TRAPPC3: variants seen among roughly 807,000 people sequenced by gnomAD.
TRAPPC3 encodes the protein trafficking protein particle complex 3.
TRAPPC3 carries 5 observed loss-of-function variants against 18.2 expected under a neutral mutation model. That is an observed-to-expected ratio of 0.28 (90% CI 0.14 to 0.58). The LOEUF (loss-of-function observed/expected upper bound fraction) is 0.58, where lower values mean the gene tolerates loss of function less well. TRAPPC3 is among the 20% of genes least tolerant of loss of function. The probability of loss-of-function intolerance (pLI) is 0.91; values close to 1 mark genes in which losing one functional copy is unlikely to be tolerated. For synonymous variants in TRAPPC3, 65 were observed against 84.2 expected (o/e 0.77, Z 1.25); for missense variants, 176 against 225.9 (o/e 0.78, Z 1.41).
At chr1:36,142,606 G>A (rs1282799100) in intron 1 of TRAPPC3, among the ~76,000 whole-genome samples, 1 of 152,140 alleles carries the variant, frequency 6.6e-6, no homozygotes, top group Non-Finnish European at 1.5e-5. Context: ...TCTCGGAATG[G>A]GATCCCTGAG....
At chr1:36,147,549 C>T (rs570688100) in intron 1 of TRAPPC3, among the ~76,000 whole-genome samples, 12 of 151,552 alleles carry the variant, frequency 7.9e-5, no homozygotes, top group Admixed American at 2.0e-4. Context: ...GAGGCTGAGG[C>T]GGGAGGACTG....
At position 36,137,077 on chromosome 1, in the gene TRAPPC3, A is replaced by G; in HGVS notation, c.*126T>C. ...TGCTCTTTATTTGAATGGAGAATGG[A>G]AACAGGTTATAAGAATATATAACAT... is the stretch of plus-strand genomic sequence containing the variant. On this transcript the variant is annotated 3_prime_UTR_variant, in exon 5 of 5. Coordinates refer to ENST00000373166, the MANE Select transcript of TRAPPC3 (RefSeq NM_014408.5). The G allele has an allele frequency of 1.7e-6, 2 of 1,164,914 alleles. No individual in the cohort carries two copies. The highest frequency in any genetic ancestry group is 2.4e-6 in the Non-Finnish European group (2 of 827,282). 72.2% of individuals were successfully genotyped at this position (1,164,914 alleles called of 1,614,324 possible).
At chr1:36,139,199 C>G (rs1644070304) in intron 3 of TRAPPC3, among the ~76,000 whole-genome samples, 1 of 134,994 alleles carries the variant, frequency 7.4e-6, no homozygotes, top group Admixed American at 8.2e-5. Context: ...TGCTCTGTTA[C>G]CCAGGATGGA....
Position 36,137,994 on chromosome 1 carries a change from C to T in TRAPPC3, c.241-16G>A. On this transcript the variant is annotated splice_polypyrimidine_tract_variant and intron_variant, in intron 3 of 4. Coordinates refer to ENST00000373166, the MANE Select transcript of TRAPPC3 (RefSeq NM_014408.5). ...TGAACGCCACCTGTCAGGGGACACACAACAGCACTTTGGGGAAGAGCAGCA... is the reference window on the plus strand; with the variant it reads ...TGAACGCCACCTGTCAGGGGACACATAACAGCACTTTGGGGAAGAGCAGCA... 1.2e-6 allele frequency: 2 copies of T among 1,612,512 alleles called. No homozygotes were observed. The highest frequency in any genetic ancestry group is 8.5e-7 in the Non-Finnish European group (1 of 1,178,928).
intron 1 of TRAPPC3, among the ~76,000 whole-genome samples, chr1:36,142,826 T>A (rs111655686): frequency 0.046 from 7,071 of 152,162 alleles, 237 homozygotes; most frequent in Middle Eastern, 0.092. Context: ...GCCCAGGAAT[T>A]TGAGACCAGC....
At chr1:36,149,111 G>T in intron 1 of TRAPPC3, 15 of 1,428,696 alleles carry the variant, frequency 1.0e-5, no homozygotes, top group East Asian at 2.6e-5. Flanking sequence ...TGTTGGCTTA[G>T]CACAGAGCTG....
upstream of TRAPPC3, among the ~76,000 whole-genome samples, chr1:36,152,630 TC>T (rs1315664634): frequency 6.6e-6 from 1 of 151,664 alleles, no homozygotes; most frequent in African/African-American, 2.4e-5. Flanking sequence ...TTTAGTATAC[TC>T]TTTTTTTAAA....
At chr1:36,141,219 G>C (rs1297874430) in intron 1 of TRAPPC3, among the ~76,000 whole-genome samples, 1 of 152,162 alleles carries the variant, frequency 6.6e-6, no homozygotes. Context: ...TGAAATGAGT[G>C]ACAAATACCA....
At chr1:36,142,153 C>T (rs954778253) in intron 1 of TRAPPC3, among the ~76,000 whole-genome samples, 3 of 151,472 alleles carry the variant, frequency 2.0e-5, no homozygotes, top group Admixed American at 6.6e-5. Flanking sequence ...ACCCAAAAAA[C>T]TTAGCTGCAC....
intron 1 of TRAPPC3, among the ~76,000 whole-genome samples, chr1:36,144,324 TAAAG>T (rs1440502206): frequency 8.3e-6 from 1 of 121,102 alleles, no homozygotes; most frequent in East Asian, 2.5e-4. Context: ...GGGCAAGTCA[TAAAG>T]AAAGAAGATT....
At chr1:36,142,841 G>A (rs1247208650) in intron 1 of TRAPPC3, among the ~76,000 whole-genome samples, 3 of 151,904 alleles carry the variant, frequency 2.0e-5, no homozygotes, top group Non-Finnish European at 2.9e-5. Flanking sequence ...ACCAGCCTGG[G>A]CAAACACTGA....
Position 36,149,453 on chromosome 1 carries a change from C to T in TRAPPC3, c.-75G>A. ...CCCCTGCAGACGCCGGAGCCTAAGC[C>T]GCTGCCCCTCAGCCCACAAGACCGA... is the stretch of plus-strand genomic sequence containing the variant. On this transcript the variant is annotated 5_prime_UTR_variant, in exon 1 of 5. Coordinates refer to ENST00000373166, the MANE Select transcript of TRAPPC3 (RefSeq NM_014408.5). 1.3e-6 allele frequency: 2 copies of T among 1,572,796 alleles called. No individual in the cohort carries two copies. Among genetic ancestry groups the T allele is most frequent in the South Asian group, 1.1e-5 (1 of 88,222 alleles).
chr1:36,138,193 G>A (rs755655869), intron 3 of TRAPPC3: 152 of 1,549,520 alleles, frequency 9.8e-5, no homozygotes, highest in Middle Eastern at 6.7e-4. Flanking sequence ...TTTGCCTGTC[G>A]CTTTGTTTTG....
intron 3 of TRAPPC3, chr1:36,138,325 T>C (rs1644056353): frequency 6.9e-7 from 1 of 1,459,588 alleles, no homozygotes; most frequent in Admixed American, 2.0e-5. Context: ...GGTGGCTGCC[T>C]GAGTGCAGAG....
intron 1 of TRAPPC3, among the ~76,000 whole-genome samples, chr1:36,146,458 G>A (rs1269965925): frequency 6.6e-6 from 1 of 151,408 alleles, no homozygotes. Context: ...CACCGCGACC[G>A]GCTAATTTTT....
upstream of TRAPPC3, among the ~76,000 whole-genome samples, chr1:36,149,730 G>C (rs917649329): frequency 6.6e-6 from 1 of 152,110 alleles, no homozygotes; most frequent in African/African-American, 2.4e-5. Context: ...GGTAATCCTG[G>C]GTCACACACA....
chr1:36,145,744 C>G (rs1644184632), intron 1 of TRAPPC3, among the ~76,000 whole-genome samples: 1 of 152,148 alleles, frequency 6.6e-6, no homozygotes, highest in African/African-American at 2.4e-5. Context: ...CTCAGAACAA[C>G]CCTATAATAT....
upstream of TRAPPC3, among the ~76,000 whole-genome samples, chr1:36,152,624 G>T (rs995507785): frequency 6.6e-6 from 1 of 151,176 alleles, no homozygotes; most frequent in Admixed American, 6.6e-5. Context: ...AATTTCTTTA[G>T]TATACTCTTT....
chr1:36,138,344 C>A (rs1285838517), intron 3 of TRAPPC3: 1 of 1,262,468 alleles, frequency 7.9e-7, no homozygotes, highest in Middle Eastern at 1.9e-4. Context: ...AGGCCCTAAC[C>A]CACTTCTCTG....
Sources: gnomAD v4.1 joint callset for allele counts (sites outside exome capture counted in the v4.1 genomes callset) on GRCh38, gnomAD v4.1.1 for gene constraint, MANE v1.5 for transcripts, NCBI Gene and HGNC (gene_info 2026-07-23, HGNC 2026-07-21) for gene names.